Variants in LMBRD1 observed in about 807,000 individuals in gnomAD.
LMBRD1 encodes the protein LMBR1 domain containing 1.
Under a neutral mutation model 74.8 loss-of-function variants are expected in LMBRD1, and 64 were observed. That is an observed-to-expected ratio of 0.86 (90% CI 0.70 to 1.05). The LOEUF is 1.05. Among genes scored for constraint, LMBRD1 ranks in the 50% least tolerant of loss-of-function variants. The pLI, the probability that LMBRD1 is intolerant of heterozygous loss-of-function variation, is 0.00. For synonymous variants in LMBRD1, 204 were observed against 216.3 expected, an observed-to-expected ratio of 0.94 and a Z score of 0.50; for missense variants, 652 against 645.9, an observed-to-expected ratio of 1.01 and a Z score of -0.10.
intron 2 of LMBRD1, among the ~76,000 whole-genome samples, chr6:69,784,924 C>T (rs1765914584): frequency 6.6e-6 from 1 of 152,108 alleles, no homozygotes; most frequent in Admixed American, 6.6e-5. Context: ...CAAATAAAAA[C>T]ACCTCCATTA....
At chr6:69,783,473 A>G (rs1253773552) in intron 2 of LMBRD1, among the ~76,000 whole-genome samples, 2 of 152,202 alleles carry the variant, frequency 1.3e-5, no homozygotes, top group Non-Finnish European at 2.9e-5. Context: ...TCCCAGGCTC[A>G]GGTGATCCTC....
intron 14 of LMBRD1, among the ~76,000 whole-genome samples, chr6:69,681,413 C>G (rs1432893767): frequency 1.3e-5 from 2 of 151,740 alleles, no homozygotes; most frequent in African/African-American, 4.8e-5. Context: ...TTCCTGTTTC[C>G]TTTGTTATGT....
chr6:69,780,510 T>C lies in LMBRD1; in HGVS notation c.291A>G (p.Val97=), dbSNP rs752864942. 2.1e-5 allele frequency: 33 copies of C among 1,609,502 alleles called. 1 individual carries two copies. Among genetic ancestry groups the C allele is most frequent in the South Asian group, 1.1e-4 (10 of 90,990 alleles). The stretch of plus-strand genomic sequence containing the variant: ...GATACTTACTATAGTAACCGTATAA[T>C]ACAGTGTCCTCAATCTGTCTGCTGA... The part of the protein sequence containing the change: ...ANVSRQIEDT[V]LYGYYTLYSV... The change falls in exon 3 of 16, where the codon GTA becomes GTG. Residue 97 remains valine, a synonymous_variant. Coordinates refer to ENST00000649934, the MANE Select transcript of LMBRD1 (RefSeq NM_018368.4).
chr6:69,753,105 A>T (rs530897668), intron 3 of LMBRD1, among the ~76,000 whole-genome samples: 281 of 151,752 alleles, frequency 1.9e-3, no homozygotes, highest in African/African-American at 5.1e-3. Flanking sequence ...TGCTTTTTTT[A>T]AAAAAAATGT....
intron 3 of LMBRD1, among the ~76,000 whole-genome samples, chr6:69,772,692 C>A (rs1765600552): frequency 6.6e-6 from 1 of 152,014 alleles, no homozygotes; most frequent in African/African-American, 2.4e-5. Context: ...TCTTATCAAA[C>A]AAGATTTTGT....
intron 14 of LMBRD1, among the ~76,000 whole-genome samples, chr6:69,681,950 T>G (rs924036097): frequency 2.0e-5 from 3 of 151,678 alleles, no homozygotes; most frequent in African/African-American, 7.3e-5. Context: ...AGATTGAAAG[T>G]AGAAAGAGGT....
chr6:69,715,849 C>T (rs563659465), intron 8 of LMBRD1, among the ~76,000 whole-genome samples: 1 of 152,204 alleles, frequency 6.6e-6, no homozygotes, highest in East Asian at 1.9e-4. Context: ...CACTTAGCTT[C>T]CATTTGTGAG....
intron 5 of LMBRD1, 21 bp downstream of exon 5, chr6:69,749,317 TAAA>T: frequency 2.4e-6 from 3 of 1,225,960 alleles, no homozygotes; most frequent in Non-Finnish European, 3.4e-6. Flanking sequence ...TTTCATGGTT[TAAA>T]AAAAAAAAAT....
At chr6:69,767,361 T>C (rs1765493173) in intron 3 of LMBRD1, among the ~76,000 whole-genome samples, 1 of 151,700 alleles carries the variant, frequency 6.6e-6, no homozygotes, top group African/African-American at 2.4e-5. Flanking sequence ...GAGCTCTGCT[T>C]GAGCTATATC....
At chr6:69,701,086 T>C (rs2149844694) in intron 11 of LMBRD1, among the ~76,000 whole-genome samples, 1 of 151,574 alleles carries the variant, frequency 6.6e-6, no homozygotes, top group South Asian at 2.1e-4. Context: ...TTAAGAAAAA[T>C]ACTAAAGCAA....
intron 14 of LMBRD1, among the ~76,000 whole-genome samples, chr6:69,686,715 CAT>C (rs1765771758): frequency 6.6e-6 from 1 of 152,142 alleles, no homozygotes; most frequent in African/African-American, 2.4e-5. Context: ...CCACTACCAC[CAT>C]AAGCTCTCCC....
intron 5 of LMBRD1, among the ~76,000 whole-genome samples, chr6:69,744,231 A>T (rs1335255426): frequency 6.6e-6 from 1 of 152,198 alleles, no homozygotes. Context: ...TCTAAAAAAA[A>T]TGTATACAGA....
At chr6:69,796,529 C>T (rs555101757) in intron 1 of LMBRD1, among the ~76,000 whole-genome samples, 1 of 152,212 alleles carries the variant, frequency 6.6e-6, no homozygotes, top group Non-Finnish European at 1.5e-5. Context: ...CCAAACCCCA[C>T]CGGCCCCATT....
At chr6:69,724,443 G>T (rs988645661) in intron 7 of LMBRD1, among the ~76,000 whole-genome samples, 2 of 141,250 alleles carry the variant, frequency 1.4e-5, no homozygotes, top group Non-Finnish European at 3.1e-5. Context: ...ACATCAGAAA[G>T]ATCATTCATT....
intron 9 of LMBRD1, among the ~76,000 whole-genome samples, chr6:69,702,671 A>G (rs908600040): frequency 6.6e-6 from 1 of 152,068 alleles, no homozygotes; most frequent in African/African-American, 2.4e-5. Flanking sequence ...CTATGTTAGC[A>G]AAAACCTAAG....
intron 7 of LMBRD1, among the ~76,000 whole-genome samples, chr6:69,722,773 G>GA (rs1766644372): frequency 6.6e-6 from 1 of 151,970 alleles, no homozygotes; most frequent in Admixed American, 6.6e-5. Context: ...AAGAAAGAAG[G>GA]AAAGAAGGGA....
intron 14 of LMBRD1, among the ~76,000 whole-genome samples, chr6:69,679,115 T>G (rs1765609865): frequency 6.6e-6 from 1 of 152,010 alleles, no homozygotes; most frequent in Admixed American, 6.6e-5. Flanking sequence ...TTCTTCCTTT[T>G]AGGAGCAAGG....
chr6:69,769,696 G>C (rs1765539073), intron 3 of LMBRD1, among the ~76,000 whole-genome samples: 1 of 150,608 alleles, frequency 6.6e-6, no homozygotes, highest in East Asian at 1.9e-4. Flanking sequence ...TTTTCCACAA[G>C]TGTGCAACTG....
At chr6:69,776,266 T>A (rs1765698912) in intron 3 of LMBRD1, among the ~76,000 whole-genome samples, 1 of 152,242 alleles carries the variant, frequency 6.6e-6, no homozygotes, top group South Asian at 2.1e-4. Context: ...TAAATTTGAA[T>A]CAGTAGTTTA....
Sources: gnomAD v4.1 joint callset for allele counts (sites outside exome capture counted in the v4.1 genomes callset) on GRCh38, gnomAD v4.1.1 for gene constraint, MANE v1.5 for transcripts, NCBI Gene and HGNC (gene_info 2026-07-23, HGNC 2026-07-21) for gene names.